Variants in CLHC1 observed in about 807,000 individuals in gnomAD.
The protein encoded by CLHC1 is clathrin heavy chain linker domain containing 1, also known as clathrin heavy chain linker domain-containing protein 1.
CLHC1 carries 72 observed loss-of-function variants against 69.5 expected under a neutral mutation model. The ratio of observed to expected loss-of-function variants is 1.04; its 90% CI spans 0.86 to 1.26. CLHC1 has a LOEUF of 1.26. CLHC1 is among the 50% of genes most tolerant of loss of function. The probability of loss-of-function intolerance (pLI) is 0.00; values close to 1 mark genes in which losing one functional copy is unlikely to be tolerated. For missense variants in CLHC1, 790 were observed against 679.3 expected, an observed-to-expected ratio of 1.16 and a Z score of -1.81; for synonymous variants, 223 against 224.3, an observed-to-expected ratio of 0.99 and a Z score of 0.05.
intron 4 of CLHC1, among the ~76,000 whole-genome samples, chr2:55,214,165 G>C (rs1461424875): frequency 2.0e-5 from 3 of 152,210 alleles, no homozygotes; most frequent in African/African-American, 7.2e-5. Context: ...AATTTGATCA[G>C]GAAGAGAATT....
chr2:55,217,560 T>A (rs1158738352), intron 4 of CLHC1, among the ~76,000 whole-genome samples: 760 of 69,428 alleles, frequency 0.011, 3 homozygotes, highest in Non-Finnish European at 0.013. Context: ...AAAATATATA[T>A]ATATATATAT....
At chr2:55,198,101 C>T (rs1004360842) in intron 9 of CLHC1, among the ~76,000 whole-genome samples, 1 of 152,058 alleles carries the variant, frequency 6.6e-6, no homozygotes, top group African/African-American at 2.4e-5. Context: ...CAGAATTAAT[C>T]AAGCAGATTA....
At chr2:55,183,199 A>C (rs1670084940) in intron 9 of CLHC1, among the ~76,000 whole-genome samples, 1 of 152,242 alleles carries the variant, frequency 6.6e-6, no homozygotes, top group Admixed American at 6.5e-5. Flanking sequence ...AACCAGGGTA[A>C]GGGGAAAAAT....
intron 4 of CLHC1, chr2:55,215,071 G>A (rs1168899641): frequency 6.6e-6 from 1 of 152,054 alleles, no homozygotes; most frequent in African/African-American, 2.4e-5. Flanking sequence ...CATATTTTCA[G>A]TATTACATTT....
intron 4 of CLHC1, 81 bp downstream of exon 4, chr2:55,217,730 C>A: frequency 2.4e-6 from 2 of 829,056 alleles, no homozygotes; most frequent in Non-Finnish European, 3.5e-6. Context: ...AGACTAAGAA[C>A]CACCAGCTAG....
At chr2:55,229,041 CT>C (rs1348563061) in intron 1 of CLHC1, among the ~76,000 whole-genome samples, 1 of 149,316 alleles carries the variant, frequency 6.7e-6, no homozygotes, top group Non-Finnish European at 1.5e-5. Context: ...ATCCCAGCTA[CT>C]TAGGTGGCTG....
chr2:55,228,071 T>C lies in CLHC1; in HGVS notation c.-122A>G, dbSNP rs1422240286. Reference sequence around the variant, plus strand: ...TTCTTCAGCTTCAGGAAAGCTGTCCTGGATTCCCTTAAAATTGGTCAGATG... The same window carrying C: ...TTCTTCAGCTTCAGGAAAGCTGTCCCGGATTCCCTTAAAATTGGTCAGATG... On this transcript the variant is annotated 5_prime_UTR_variant, in exon 2 of 13. Transcript: ENST00000401408. The C allele has an allele frequency of 3.9e-5, 6 of 152,494 alleles. No individual in the cohort carries two copies. The highest frequency in any genetic ancestry group is 9.6e-5 in the African/African-American group (4 of 41,570). The allele number at this position is 152,494 out of a possible 1,614,324, so 9.4% of individuals were successfully genotyped here.
intron 9 of CLHC1, among the ~76,000 whole-genome samples, chr2:55,185,604 T>C (rs1303490247): frequency 6.6e-6 from 1 of 152,198 alleles, no homozygotes; most frequent in Non-Finnish European, 1.5e-5. Context: ...CCTAGAACAA[T>C]GCCCAGCACA....
intron 9 of CLHC1, among the ~76,000 whole-genome samples, chr2:55,197,296 G>T (rs1671517995): frequency 6.6e-6 from 1 of 152,194 alleles, no homozygotes; most frequent in Non-Finnish European, 1.5e-5. Context: ...AAAAAAACAA[G>T]CCTGGATGGC....
At chr2:55,179,927 G>T (rs1391422844) in intron 11 of CLHC1, among the ~76,000 whole-genome samples, 1 of 152,154 alleles carries the variant, frequency 6.6e-6, no homozygotes, top group Non-Finnish European at 1.5e-5. Flanking sequence ...GGCTGAGGCG[G>T]GCAGATCACA....
Position 55,199,307 on chromosome 2 carries a change from A to G in CLHC1, c.1006+6963T>C, listed in dbSNP as rs1418881792. Among the ~76,000 whole-genome samples the G allele has an allele frequency of 3.3e-5, 5 of 150,932 alleles. 1 individual carries two copies. Among genetic ancestry groups the G allele is most frequent in the African/African-American group, 1.2e-4 (5 of 41,194 alleles). On this transcript the variant is annotated intron_variant, in intron 9 of 12. Transcript: ENST00000401408. Reference sequence around the variant, plus strand: ...GTGAGACTCCATCTCAAAAAAAAAAAAAAAAAAAAAAAAAGAAATGCTGAG... The same window carrying G: ...GTGAGACTCCATCTCAAAAAAAAAAGAAAAAAAAAAAAAAGAAATGCTGAG...
intron 9 of CLHC1, among the ~76,000 whole-genome samples, chr2:55,184,305 C>T (rs1172034648): frequency 6.6e-6 from 1 of 151,816 alleles, no homozygotes; most frequent in Admixed American, 6.6e-5. Context: ...CAGAGTTTCA[C>T]CAGTTGCCCA....
chr2:55,199,001 A>G (rs1671687444), intron 9 of CLHC1, among the ~76,000 whole-genome samples: 1 of 152,200 alleles, frequency 6.6e-6, no homozygotes, highest in Non-Finnish European at 1.5e-5. Context: ...TTGTCCCTTA[A>G]GAAATGCTGA....
intron 5 of CLHC1, among the ~76,000 whole-genome samples, chr2:55,211,274 G>A (rs1466256884): frequency 2.6e-5 from 4 of 151,934 alleles, no homozygotes; most frequent in Non-Finnish European, 5.9e-5. Context: ...GGCCGAGATG[G>A]GCAGATCACA....
chr2:55,231,118 T>G (rs1249884186), intron 1 of CLHC1, among the ~76,000 whole-genome samples: 1 of 151,696 alleles, frequency 6.6e-6, no homozygotes, highest in African/African-American at 2.4e-5. Flanking sequence ...GGTGTGGTGG[T>G]GGGCGCCTGT....
upstream of CLHC1, chr2:55,232,492 A>G (rs1675513267): frequency 2.3e-6 from 1 of 428,940 alleles, no homozygotes; most frequent in African/African-American, 2.0e-5. Context: ...TTAAACCTAC[A>G]GTTTCGAAAG....
chr2:55,228,657 G>A (rs559283937), intron 1 of CLHC1, among the ~76,000 whole-genome samples: 2 of 152,288 alleles, frequency 1.3e-5, no homozygotes, highest in South Asian at 4.1e-4. Flanking sequence ...ACGGAAGGGG[G>A]CAAGGAAACA....
At chr2:55,209,299 G>C (rs1672753712) in intron 7 of CLHC1, 105 bp downstream of exon 7, 1 of 673,480 alleles carries the variant, frequency 1.5e-6, no homozygotes, top group East Asian at 2.7e-5. Context: ...GCTGAAGTAT[G>C]ATCTTGCTTT....
chr2:55,193,583 A>G (rs1671129629), intron 9 of CLHC1, among the ~76,000 whole-genome samples: 1 of 152,174 alleles, frequency 6.6e-6, no homozygotes, highest in Non-Finnish European at 1.5e-5. Flanking sequence ...AAAAACCACA[A>G]TGAGATACCA....
Sources: gnomAD v4.1 joint callset for allele counts (sites outside exome capture counted in the v4.1 genomes callset) on GRCh38, gnomAD v4.1.1 for gene constraint, MANE v1.5 for transcripts, NCBI Gene and HGNC (gene_info 2026-07-23, HGNC 2026-07-21) for gene names.